ZCCHC14: variants seen among roughly 807,000 people sequenced by gnomAD.
ZCCHC14 encodes the protein zinc finger CCHC-type containing 14, also known as zinc finger CCHC domain-containing protein 14.
ZCCHC14 carries 16 observed loss-of-function variants against 85.0 expected under a neutral mutation model. The ratio of observed to expected loss-of-function variants is 0.19; its 90% CI spans 0.13 to 0.29. The LOEUF is 0.29. Ranked by LOEUF, ZCCHC14 falls within the 10% of genes least tolerant of loss-of-function variation. The pLI is 1.00. For missense variants in ZCCHC14, 1,303 were observed against 1,443.5 expected (o/e 0.90, Z 1.58); for synonymous variants, 775 against 630.7 (o/e 1.23, Z -3.43).
intron 1 of ZCCHC14, among the ~76,000 whole-genome samples, chr16:87,466,741 C>T (rs1373001357): frequency 2.0e-5 from 3 of 152,172 alleles, no homozygotes; most frequent in African/African-American, 7.2e-5. Context: ...GTCACAGGTA[C>T]TGTTCGTATG....
At chr16:87,446,826 G>A (rs949048022) in intron 2 of ZCCHC14, among the ~76,000 whole-genome samples, 1 of 152,026 alleles carries the variant, frequency 6.6e-6, no homozygotes, top group African/African-American at 2.4e-5. Flanking sequence ...TGGGATTACA[G>A]GCACACACCA....
intron 1 of ZCCHC14, among the ~76,000 whole-genome samples, chr16:87,482,972 C>T (rs575636955): frequency 2.0e-5 from 3 of 151,556 alleles, no homozygotes; most frequent in African/African-American, 4.8e-5. Context: ...TGATGAGAAA[C>T]GCATTATACA....
In ZCCHC14 at chr16:87,491,564, G is replaced by T. The variant is rs559876894; in HGVS notation, c.570+105C>A. On this transcript the variant is annotated intron_variant, in intron 1 of 12. Coordinates refer to ENST00000671377, the MANE Select transcript of ZCCHC14 (RefSeq NM_015144.3). This position sits in a 1 kb window ranked among gnomAD's most constrained non-coding sequence, Gnocchi z 5.9. Reference sequence around the variant, plus strand: ...ACCTGGGTGGGAGCTCTCAGTGCAGGCTGGAGGCGTGGGTCGGGGGGTCGC... The same window carrying T: ...ACCTGGGTGGGAGCTCTCAGTGCAGTCTGGAGGCGTGGGTCGGGGGGTCGC... 10 of 1,079,412 alleles carry T rather than the reference G, an allele frequency of 9.3e-6. No homozygotes were observed. In the East Asian group the frequency reaches 2.9e-4, roughly 31 times the overall value. The allele number at this position is 1,079,412 out of a possible 1,614,324, so 66.9% of individuals were successfully genotyped here.
chr16:87,435,130 C>T (rs1909857343), intron 2 of ZCCHC14, among the ~76,000 whole-genome samples: 1 of 152,088 alleles, frequency 6.6e-6, no homozygotes, highest in Admixed American at 6.5e-5. Flanking sequence ...AAACGATTCC[C>T]CACATTTTTT....
intron 8 of ZCCHC14, among the ~76,000 whole-genome samples, chr16:87,416,621 T>C (rs1202463678): frequency 1.3e-5 from 2 of 152,010 alleles, no homozygotes; most frequent in Non-Finnish European, 2.9e-5. Flanking sequence ...CCAGGTATGC[T>C]GGTGGGCACC....
At chr16:87,473,665 TA>T (rs2150770354) in intron 1 of ZCCHC14, 1 of 152,296 alleles carries the variant, frequency 6.6e-6, no homozygotes, top group Non-Finnish European at 1.5e-5. Context: ...TGGTTCCCAC[TA>T]TAATATTCAG....
intron 2 of ZCCHC14, among the ~76,000 whole-genome samples, chr16:87,456,533 C>CAAAAAAAAAAAAA (rs60817141): frequency 1.4e-4 from 9 of 63,374 alleles, no homozygotes; most frequent in African/African-American, 3.7e-4. Flanking sequence ...ACTCTGTCTC[C>CAAAAAAAAAAAAA]AAAAAAAAAA....
chr16:87,420,777 T>A lies in ZCCHC14; in HGVS notation c.841-61A>T. 1 of 1,426,618 alleles carries A rather than the reference T, an allele frequency of 7.0e-7. No homozygotes were observed. 88.4% of individuals were successfully genotyped at this position (1,426,618 alleles called of 1,614,324 possible). A position where few individuals can be genotyped will look rare whatever the true frequency, so the allele number is the denominator to read the frequency against. ...GACCCATCCAACACCAGCAGAATTCTGCTACTGCAGGAAAACCTGGGGCAG... is the reference window on the plus strand; with the variant it reads ...GACCCATCCAACACCAGCAGAATTCAGCTACTGCAGGAAAACCTGGGGCAG... On this transcript the variant is annotated intron_variant, in intron 4 of 12. Coordinates refer to ENST00000671377, the MANE Select transcript of ZCCHC14 (RefSeq NM_015144.3). This position sits in a 1 kb window ranked among gnomAD's most constrained non-coding sequence, Gnocchi z 5.0.
intron 2 of ZCCHC14, among the ~76,000 whole-genome samples, chr16:87,459,329 T>C (rs995215760): frequency 1.3e-5 from 2 of 151,290 alleles, no homozygotes; most frequent in African/African-American, 4.9e-5. Context: ...GAGGAGGGTG[T>C]AAAACTTATT....
intron 1 of ZCCHC14, among the ~76,000 whole-genome samples, chr16:87,481,013 C>T (rs906728375): frequency 6.6e-6 from 1 of 152,184 alleles, no homozygotes; most frequent in African/African-American, 2.4e-5. Flanking sequence ...AGAAATGAAG[C>T]TCCTGCAGCA....
At chr16:87,452,486 G>C (rs948272015) in intron 2 of ZCCHC14, among the ~76,000 whole-genome samples, 1 of 152,110 alleles carries the variant, frequency 6.6e-6, no homozygotes, top group African/African-American at 2.4e-5. Context: ...AGACGGCTCA[G>C]GCAAAGCGTA....
At chr16:87,460,269 T>G in intron 1 of ZCCHC14, 138 bp from the exon 2 acceptor site, 1 of 1,204,222 alleles carries the variant, frequency 8.3e-7, no homozygotes, top group East Asian at 2.6e-5. Flanking sequence ...ATAATAAGCC[T>G]TCCCCAAGAA....
In ZCCHC14 at chr16:87,420,747, G is replaced by A; in HGVS notation, c.841-31C>T. 2 of 1,566,680 alleles carry A rather than the reference G, an allele frequency of 1.3e-6. No individual in the cohort carries two copies. Among genetic ancestry groups the A allele is most frequent in the Non-Finnish European group, 1.7e-6 (2 of 1,151,866 alleles). On this transcript the variant is annotated intron_variant, in intron 4 of 12. Transcript: ENST00000671377. This position sits in a 1 kb window ranked among gnomAD's most constrained non-coding sequence, Gnocchi z 5.0. ...AGAGAGGACAAGGTAGAGGAGGTGTGTCCAGACCCATCCAACACCAGCAGA... is the reference window on the plus strand; with the variant it reads ...AGAGAGGACAAGGTAGAGGAGGTGTATCCAGACCCATCCAACACCAGCAGA...
intron 1 of ZCCHC14, chr16:87,467,065 T>TAAA: frequency 2.6e-6 from 1 of 382,496 alleles, no homozygotes; most frequent in East Asian, 4.6e-5. Flanking sequence ...TTTTTTTTAC[T>TAAA]AAAGAGACAG....
intron 1 of ZCCHC14, among the ~76,000 whole-genome samples, chr16:87,487,670 GAAGACA>G (rs1912571904): frequency 6.6e-6 from 1 of 152,266 alleles, no homozygotes; most frequent in African/African-American, 2.4e-5. Flanking sequence ...GCACGGGGGT[GAAGACA>G]AAGAGCCTAT....
chr16:87,487,444 G>A (rs544076782), intron 1 of ZCCHC14, among the ~76,000 whole-genome samples: 1 of 152,108 alleles, frequency 6.6e-6, no homozygotes, highest in South Asian at 2.1e-4. Flanking sequence ...CATACCTGTC[G>A]CTGACCAAAT....
Position 87,424,743 on chromosome 16 carries a change from G to C in ZCCHC14, c.769-862C>G, listed in dbSNP as rs377049239. ...GAGTTTCTGCATGGAGAAGAGCTTG[G>C]GTTGACTTCTGAAAGGCAAATAAGA... is the stretch of plus-strand genomic sequence containing the variant. On this transcript the variant is annotated intron_variant, in intron 3 of 12. Coordinates refer to ENST00000671377, the MANE Select transcript of ZCCHC14 (RefSeq NM_015144.3). 4.5e-4 allele frequency among the ~76,000 whole-genome samples: 68 copies of C among 152,164 alleles called. 1 individual carries two copies. The highest frequency in any genetic ancestry group is 1.6e-3 in the African/African-American group (66 of 41,504).
Position 87,433,205 on chromosome 16 carries a change from T to C in ZCCHC14, c.695-4A>G, listed in dbSNP as rs1397045606. Reference sequence around the variant, plus strand: ...AGGTCTATCTTTTCAACACTCACTGTAAAAGTAAAACAAAAAACAAAAATG... The same window carrying C: ...AGGTCTATCTTTTCAACACTCACTGCAAAAGTAAAACAAAAAACAAAAATG... On this transcript the variant is annotated splice_polypyrimidine_tract_variant and splice_region_variant and intron_variant, in intron 2 of 12. Transcript: ENST00000671377. The C allele has an allele frequency of 6.2e-7, 1 of 1,613,304 alleles. No individual in the cohort carries two copies. The highest frequency in any genetic ancestry group is 8.5e-7 in the Non-Finnish European group (1 of 1,179,538).
intron 8 of ZCCHC14, among the ~76,000 whole-genome samples, chr16:87,416,474 T>G (rs1490459452): frequency 6.6e-6 from 1 of 152,106 alleles, no homozygotes; most frequent in Admixed American, 6.5e-5. Context: ...TCACAAATCC[T>G]TGGCCAGGCG....
Sources: gnomAD v4.1 joint callset for allele counts (sites outside exome capture counted in the v4.1 genomes callset) on GRCh38, gnomAD v4.1.1 for gene constraint, Gnocchi (gnomAD v3.1) non-coding constraint, MANE v1.5 for transcripts, NCBI Gene and HGNC (gene_info 2026-07-23, HGNC 2026-07-21) for gene names.